The following UGT1A10 variants were observed in gnomAD, a reference collection of about 807,000 sequenced individuals.
UGT1A10 encodes UDP glucuronosyltransferase family 1 member A10.
Under a neutral mutation model 45.8 loss-of-function variants are expected in UGT1A10, and 49 were observed. That is an observed-to-expected ratio of 1.07 (90% CI 0.85 to 1.36). The LOEUF (loss-of-function observed/expected upper bound fraction) is 1.36, where lower values mean the gene tolerates loss of function less well. Ranked by LOEUF, UGT1A10 falls within the 40% of genes most tolerant of loss-of-function variation. The pLI, the probability that UGT1A10 is intolerant of heterozygous loss-of-function variation, is 0.00. For synonymous variants in UGT1A10, 284 were observed against 249.7 expected, an observed-to-expected ratio of 1.14 and a Z score of -1.29; for missense variants, 745 against 668.6, an observed-to-expected ratio of 1.11 and a Z score of -1.26.
At chr2:233,748,082 C>A (rs1013967791) in intron 1 of UGT1A10, 6 of 1,612,924 alleles carry the variant, frequency 3.7e-6, no homozygotes, top group Non-Finnish European at 5.1e-6. Context: ...TATCTCAGGT[C>A]GGTGTTCGTG....
chr2:233,684,844 T>C (rs1025882496), intron 1 of UGT1A10, among the ~76,000 whole-genome samples: 5 of 152,234 alleles, frequency 3.3e-5, no homozygotes, highest in African/African-American at 4.8e-5. Context: ...TTATGGACAC[T>C]GTATAGTGTT....
rs188955971 is a variant in UGT1A10 at position 233,750,968 on chromosome 2, T to C, written c.856-16066T>C. ...ACAGAGTCTCCACTGGGGCACTGCC[T>C]AGTGGAGTTGTGAGAAGGCGGCCAC... is the stretch of plus-strand genomic sequence containing the variant. On this transcript the variant is annotated intron_variant, in intron 1 of 4. Transcript: ENST00000344644. Among the ~76,000 whole-genome samples the C allele has an allele frequency of 4.3e-4, 66 of 151,860 alleles. 1 individual carries two copies. The highest frequency in any genetic ancestry group is 3.5e-3 in the Admixed American group (53 of 15,300).
intron 1 of UGT1A10, among the ~76,000 whole-genome samples, chr2:233,702,149 T>C (rs1024085509): frequency 1.3e-5 from 2 of 152,210 alleles, no homozygotes; most frequent in African/African-American, 4.8e-5. Flanking sequence ...AGATACCTTA[T>C]ATCTATTATC....
chr2:233,743,938 A>T (rs754327674), intron 1 of UGT1A10: 2 of 1,356,166 alleles, frequency 1.5e-6, no homozygotes, highest in Admixed American at 1.9e-5. Context: ...AGAACGGCCC[A>T]CCAGGCACTG....
At chr2:233,665,864 A>G (rs187395786) in intron 1 of UGT1A10, among the ~76,000 whole-genome samples, 75 of 152,322 alleles carry the variant, frequency 4.9e-4, no homozygotes, top group African/African-American at 1.7e-3. Context: ...TTGCCAGACA[A>G]TATTTACAAG....
intron 2 of UGT1A10, among the ~76,000 whole-genome samples, chr2:233,767,483 G>A (rs1215340946): frequency 1.3e-5 from 2 of 152,158 alleles, no homozygotes; most frequent in Admixed American, 6.5e-5. Context: ...TTAAATAGAA[G>A]TATTTCTCCA....
At chr2:233,757,019 A>C (rs1245211871) in intron 1 of UGT1A10, among the ~76,000 whole-genome samples, 4 of 151,834 alleles carry the variant, frequency 2.6e-5, no homozygotes, top group African/African-American at 9.7e-5. Context: ...CAGTTTGAAC[A>C]AAGCAATTTG....
chr2:233,677,733 T>G (rs2074397979), intron 1 of UGT1A10, among the ~76,000 whole-genome samples: 1 of 152,112 alleles, frequency 6.6e-6, no homozygotes, highest in Non-Finnish European at 1.5e-5. Flanking sequence ...TTGGTGGGAA[T>G]GCAAATTAGT....
At chr2:233,688,006 A>T (rs2074874016) in intron 1 of UGT1A10, among the ~76,000 whole-genome samples, 1 of 152,242 alleles carries the variant, frequency 6.6e-6, no homozygotes, top group African/African-American at 2.4e-5. Context: ...GTGCTCCCAG[A>T]TACAATCAAC....
chr2:233,768,255 G>A lies in UGT1A10; in HGVS notation c.1111G>A (p.Gly371Ser), dbSNP rs1276913504. The A allele has an allele frequency of 1.2e-6, 2 of 1,614,166 alleles. No homozygotes were observed. Among genetic ancestry groups the A allele is most frequent in the Non-Finnish European group, 8.5e-7 (1 of 1,180,040 alleles). ...PMTRAFITHAGSHGVYESICN... is the reference protein window; with the variant it reads ...PMTRAFITHASSHGVYESICN... Reference sequence around the variant, plus strand: ...GACCCGTGCCTTTATCACCCATGCTGGTTCCCATGGTGTTTATGAAAGCAT... The same window carrying A: ...GACCCGTGCCTTTATCACCCATGCTAGTTCCCATGGTGTTTATGAAAGCAT... The change falls in exon 4 of 5, where the codon GGT becomes AGT. Residue 371 changes from glycine to serine, a missense_variant. Gly to Ser is a moderately conservative substitution (Grantham distance 56, BLOSUM62 0). Coordinates refer to ENST00000344644, the MANE Select transcript of UGT1A10 (RefSeq NM_019075.4).
At chr2:233,725,418 C>T (rs1426524230) in intron 1 of UGT1A10, among the ~76,000 whole-genome samples, 1 of 151,350 alleles carries the variant, frequency 6.6e-6, no homozygotes, top group Non-Finnish European at 1.5e-5. Flanking sequence ...CAGAATTGTC[C>T]AATAGAAATA....
At chr2:233,686,738 C>T (rs887887511) in intron 1 of UGT1A10, among the ~76,000 whole-genome samples, 2 of 152,214 alleles carry the variant, frequency 1.3e-5, no homozygotes, top group Admixed American at 6.5e-5. Context: ...AACCTCTTGC[C>T]TTCCCTAGCC....
At position 233,648,943 on chromosome 2, in the gene UGT1A10, G is replaced by C; in HGVS notation, c.855+11566G>C. On this transcript the variant is annotated intron_variant, in intron 1 of 4. Coordinates refer to ENST00000344644, the MANE Select transcript of UGT1A10 (RefSeq NM_019075.4). ...AATTTGGTTGCTGCGAATGGACTTT[G>C]TTTTGGAGTATCCCAAACCTGTGAT... 3 of 1,432,320 alleles carry C rather than the reference G, an allele frequency of 2.1e-6. No individual in the cohort carries two copies. In the African/African-American group the frequency reaches 4.2e-5, roughly 20 times the overall value. The allele number at this position is 1,432,320 out of a possible 1,614,324, so 88.7% of individuals were successfully genotyped here.
At chr2:233,721,420 A>G (rs2076943855) in intron 1 of UGT1A10, 1 of 156,132 alleles carries the variant, frequency 6.4e-6, no homozygotes, top group Admixed American at 6.5e-5. Context: ...AGGTACCCTA[A>G]GCATTGTGGT....
In UGT1A10 at chr2:233,637,236, T is replaced by C. The variant is rs1167011336; in HGVS notation, c.714T>C (p.Pro238=). 6 of 1,613,846 alleles carry C rather than the reference T, an allele frequency of 3.7e-6. No homozygotes were observed. The highest frequency in any genetic ancestry group is 5.1e-6 in the Non-Finnish European group (6 of 1,179,868). ...TAGCCTCTGAAATTCTCCAAACCCC[T>C]GTCACGGCATATGATCTCTACAGTC... is the stretch of plus-strand genomic sequence containing the variant. The part of the protein sequence containing the change: ...LEIASEILQT[P]VTAYDLYSHT... Residue 238 remains proline (P), a synonymous_variant, in exon 1 of 5, where the codon CCT becomes CCC. Transcript: ENST00000344644.
At chr2:233,682,106 G>A (rs769900053) in intron 1 of UGT1A10, 5 of 1,614,200 alleles carry the variant, frequency 3.1e-6, no homozygotes, top group Middle Eastern at 1.7e-4. Context: ...TGAGGTGGTC[G>A]TAGTCATGCC....
intron 1 of UGT1A10, among the ~76,000 whole-genome samples, chr2:233,737,003 G>A (rs560792837): frequency 9.8e-5 from 15 of 152,324 alleles, no homozygotes; most frequent in Middle Eastern, 3.4e-3. Context: ...TCAGGGACCC[G>A]CTTGAGGAGG....
chr2:233,764,410 G>T (rs1287852484), intron 1 of UGT1A10, among the ~76,000 whole-genome samples: 1 of 152,152 alleles, frequency 6.6e-6, no homozygotes, highest in Non-Finnish European at 1.5e-5. Context: ...TCTGCAGTTT[G>T]CCCTGCGTGA....
At chr2:233,687,735 T>C (rs2074861022) in intron 1 of UGT1A10, among the ~76,000 whole-genome samples, 1 of 151,990 alleles carries the variant, frequency 6.6e-6, no homozygotes, top group Non-Finnish European at 1.5e-5. Flanking sequence ...AGACACTGTC[T>C]CTACAAAAAA....
Sources: gnomAD v4.1 joint callset for allele counts (sites outside exome capture counted in the v4.1 genomes callset) on GRCh38, gnomAD v4.1.1 for gene constraint, MANE v1.5 for transcripts, NCBI Gene and HGNC (gene_info 2026-07-23, HGNC 2026-07-21) for gene names.